SYT1: variants seen among roughly 807,000 people sequenced by gnomAD.
SYT1 encodes synaptotagmin 1.
Under a neutral mutation model 44.8 loss-of-function variants are expected in SYT1, and 8 were observed. The observed-to-expected ratio is 0.18, with a 90% CI of 0.10 to 0.32. SYT1 has a LOEUF of 0.32. SYT1 is among the 10% of genes least tolerant of loss of function. The pLI is 1.00. For missense variants in SYT1, 286 were observed against 509.3 expected (o/e 0.56, Z 4.22); for synonymous variants, 154 against 188.8 (o/e 0.82, Z 1.51).
intron 9 of SYT1, among the ~76,000 whole-genome samples, chr12:79,377,357 T>C (rs1208663452): frequency 6.6e-6 from 1 of 152,204 alleles, no homozygotes; most frequent in Non-Finnish European, 1.5e-5. Flanking sequence ...GTGATCCGCC[T>C]ACCTTGGCCT....
At chr12:79,142,801 A>C (rs1279884868) in intron 3 of SYT1, among the ~76,000 whole-genome samples, 5 of 152,188 alleles carry the variant, frequency 3.3e-5, no homozygotes, top group Non-Finnish European at 7.3e-5. Context: ...TTACTGTTGA[A>C]TATGCTTGTG....
At chr12:78,979,192 A>T (rs751941755) in intron 2 of SYT1, among the ~76,000 whole-genome samples, 14 of 152,200 alleles carry the variant, frequency 9.2e-5, no homozygotes, top group Non-Finnish European at 1.8e-4. Context: ...ACTAATTTAC[A>T]TTGGATATTT....
Position 79,449,958 on chromosome 12 carries a change from GCA to G in SYT1, c.*837_*838del, listed in dbSNP as rs1870960477. 1.4e-5 allele frequency: 2 copies of G among 145,160 alleles called. No homozygotes were observed. Among genetic ancestry groups the G allele is most frequent in the Non-Finnish European group, 3.0e-5 (2 of 66,154 alleles). 9.0% of individuals were successfully genotyped at this position (145,160 alleles called of 1,614,324 possible). The stretch of plus-strand genomic sequence containing the variant: ...TGTGTGTGTGTGTGTGTGTGTGTGT[GCA>G]CATTTGTTTGGGGATGGGGGAGAAG... On this transcript the variant is annotated 3_prime_UTR_variant, in exon 11 of 11. Coordinates refer to ENST00000261205, the MANE Select transcript of SYT1 (RefSeq NM_005639.3).
At chr12:79,305,747 G>A (rs1399625414) in intron 8 of SYT1, among the ~76,000 whole-genome samples, 4 of 152,158 alleles carry the variant, frequency 2.6e-5, no homozygotes, top group Admixed American at 2.6e-4. Flanking sequence ...CCAGGCTAGA[G>A]TGCAGTGGTG....
In SYT1 at chr12:79,094,883, G is replaced by A. The variant is rs190271886; in HGVS notation, c.-18+47521G>A. On this transcript the variant is annotated intron_variant, in intron 3 of 10. Transcript: ENST00000261205. ...TAATGGCTTTAACCAAGTGTCTAAAGTTAGAGCAAAAAGATACAGGCTGCT... is the reference window on the plus strand; with the variant it reads ...TAATGGCTTTAACCAAGTGTCTAAAATTAGAGCAAAAAGATACAGGCTGCT... 2.3e-3 allele frequency among the ~76,000 whole-genome samples: 355 copies of A among 151,994 alleles called. 9 individuals are homozygous for A. In the South Asian group the frequency reaches 0.034, roughly 14 times the overall value.
intron 8 of SYT1, among the ~76,000 whole-genome samples, chr12:79,350,936 A>G (rs1882872502): frequency 6.6e-6 from 1 of 152,204 alleles, no homozygotes; most frequent in Non-Finnish European, 1.5e-5. Flanking sequence ...TCCAGAAGTA[A>G]TAAAATGCTA....
chr12:78,901,835 G>A (rs1249476695), intron 1 of SYT1, among the ~76,000 whole-genome samples: 3 of 152,096 alleles, frequency 2.0e-5, no homozygotes, highest in Admixed American at 6.6e-5. Context: ...TGGATGAAAT[G>A]TGGATGCTGC....
In SYT1 at chr12:79,449,497, CTATTT is replaced by C. The variant is rs1358102194; in HGVS notation, c.*376_*380del. The C allele has an allele frequency of 5.2e-6, 1 of 192,452 alleles. No individual in the cohort carries two copies. The highest frequency in any genetic ancestry group is 1.1e-5 in the Non-Finnish European group (1 of 92,482). 11.9% of individuals were successfully genotyped at this position (192,452 alleles called of 1,614,324 possible). ...ATCTAGATGTTTTTAATAAGATGTT[CTATTT>C]TAAACTATGTAAATTGACTGAGATA... On this transcript the variant is annotated 3_prime_UTR_variant, in exon 11 of 11. Transcript: ENST00000261205.
At chr12:78,936,230 T>A (rs1302612856) in intron 1 of SYT1, among the ~76,000 whole-genome samples, 1 of 152,140 alleles carries the variant, frequency 6.6e-6, no homozygotes, top group Non-Finnish European at 1.5e-5. Flanking sequence ...TATTTGGGAA[T>A]GTTTGCTTAG....
chr12:78,951,679 C>T (rs1878974591), intron 1 of SYT1, among the ~76,000 whole-genome samples: 1 of 152,136 alleles, frequency 6.6e-6, no homozygotes, highest in South Asian at 2.1e-4. Flanking sequence ...TTAAAACTCT[C>T]CTAGTCTGTA....
chr12:79,350,328 C>T (rs1360695681), intron 8 of SYT1, among the ~76,000 whole-genome samples: 4 of 149,478 alleles, frequency 2.7e-5, no homozygotes, highest in African/African-American at 7.4e-5. Context: ...TCTCGGCTCA[C>T]TGCAAGCTCC....
chr12:79,286,079 G>A lies in SYT1; in HGVS notation c.351+108G>A, dbSNP rs982539525. The A allele has an allele frequency of 4.0e-5, 50 of 1,236,822 alleles. No homozygotes were observed. In the Middle Eastern group the frequency reaches 8.6e-4, roughly 21 times the overall value. The allele number at this position is 1,236,822 out of a possible 1,614,324, so 76.6% of individuals were successfully genotyped here. A position where few individuals can be genotyped will look rare whatever the true frequency, so the allele number is the denominator to read the frequency against. Reference sequence around the variant, plus strand: ...AATAAACAACTTCTGGACCCATATCGTTTTTGAGATGCTTTGCAAACCTTT... The same window carrying A: ...AATAAACAACTTCTGGACCCATATCATTTTTGAGATGCTTTGCAAACCTTT... On this transcript the variant is annotated intron_variant, in intron 5 of 10. Coordinates refer to ENST00000261205, the MANE Select transcript of SYT1 (RefSeq NM_005639.3).
intron 2 of SYT1, among the ~76,000 whole-genome samples, chr12:79,043,920 A>C (rs934401869): frequency 2.4e-4 from 36 of 152,272 alleles, no homozygotes; most frequent in African/African-American, 8.7e-4. Flanking sequence ...TTCTGGGTCG[A>C]AAATTGTTTT....
chr12:79,422,319 C>T (rs1014086071), intron 9 of SYT1, among the ~76,000 whole-genome samples: 11 of 151,890 alleles, frequency 7.2e-5, no homozygotes, highest in African/African-American at 2.7e-4. Flanking sequence ...TTTCATCTTT[C>T]TTTTGCATGC....
At position 79,448,783 on chromosome 12, in the gene SYT1, A is replaced by T. The variant is rs1418010337; in HGVS notation, c.1063-135A>T. On this transcript the variant is annotated intron_variant, in intron 10 of 10. Coordinates refer to ENST00000261205, the MANE Select transcript of SYT1 (RefSeq NM_005639.3). Reference sequence around the variant, plus strand: ...ATTAACGTTTGAGTATTAAGATTCAAGTCATTTTCATCCTCATCCTAGTGC... The same window carrying T: ...ATTAACGTTTGAGTATTAAGATTCATGTCATTTTCATCCTCATCCTAGTGC... 5.3e-6 allele frequency: 4 copies of T among 751,430 alleles called. No individual in the cohort carries two copies. In the Admixed American group the frequency reaches 1.1e-4, roughly 20 times the overall value. The allele number at this position is 751,430 out of a possible 1,614,324, so 46.5% of individuals were successfully genotyped here.
chr12:78,934,494 G>A (rs1413373547), intron 1 of SYT1, among the ~76,000 whole-genome samples: 3 of 152,104 alleles, frequency 2.0e-5, no homozygotes, highest in Non-Finnish European at 4.4e-5. Flanking sequence ...CCATGATTGT[G>A]CCATTGCACT....
intron 3 of SYT1, among the ~76,000 whole-genome samples, chr12:79,215,534 A>G (rs1218017464): frequency 6.6e-6 from 1 of 152,140 alleles, no homozygotes; most frequent in African/African-American, 2.4e-5. Flanking sequence ...TTAAAAACTT[A>G]AAAAAGAGAA....
At chr12:79,323,948 CT>C (rs56962075) in intron 8 of SYT1, among the ~76,000 whole-genome samples, 26,533 of 112,496 alleles carry the variant, frequency 0.24, 1,856 homozygotes, top group East Asian at 0.44. Context: ...TTTCTATTTT[CT>C]TTTTTTTTTT....
At chr12:79,431,513 A>ATTTAC (rs1555225314) in intron 9 of SYT1, among the ~76,000 whole-genome samples, 2 of 142,702 alleles carry the variant, frequency 1.4e-5, no homozygotes, top group Non-Finnish European at 3.0e-5. Flanking sequence ...ATTTTATTTT[A>ATTTAC]TTATTTATTT....
Sources: gnomAD v4.1 joint callset for allele counts (sites outside exome capture counted in the v4.1 genomes callset) on GRCh38, gnomAD v4.1.1 for gene constraint, MANE v1.5 for transcripts, NCBI Gene and HGNC (gene_info 2026-07-23, HGNC 2026-07-21) for gene names.